Variants in ATP2A1 observed in about 807,000 individuals in gnomAD.
ATP2A1 encodes the protein ATPase sarcoplasmic/endoplasmic reticulum Ca2+ transporting 1, also known as sarcoplasmic/endoplasmic reticulum calcium ATPase 1.
In ATP2A1, 83 loss-of-function variants were observed where a neutral mutation model predicts 109.5. That is an observed-to-expected ratio of 0.76 (90% CI 0.63 to 0.91). The LOEUF (loss-of-function observed/expected upper bound fraction) is 0.91, where lower values mean the gene tolerates loss of function less well. Among genes scored for constraint, ATP2A1 ranks in the 40% least tolerant of loss-of-function variants. The pLI is 0.00. For missense variants in ATP2A1, 1,101 were observed against 1,341.0 expected, an observed-to-expected ratio of 0.82 and a Z score of 2.80; for synonymous variants, 505 against 537.6, an observed-to-expected ratio of 0.94 and a Z score of 0.84.
Position 28,903,365 on chromosome 16 carries a change from A to C in ATP2A1, c.2905A>C (p.Met969Leu), listed in dbSNP as rs1964147563. 1 of 1,613,900 alleles carries C rather than the reference A, an allele frequency of 6.2e-7. No individual in the cohort carries two copies. Among genetic ancestry groups the C allele is most frequent in the Non-Finnish European group, 8.5e-7 (1 of 1,179,940 alleles). ...LRALDLTQWL[M>L]VLKISLPVIG... is the part of the protein sequence containing the mutation. ...GGCCCTGGACCTCACCCAGTGGCTC[A>C]TGGTCCTCAAGATCTCACTGCCAGT... Residue 969 changes from methionine to leucine, a missense_variant, in exon 21 of 23, where the codon ATG becomes CTG. By Grantham distance (15) the Met-to-Leu change is conservative. Transcript: ENST00000395503. This position sits in a 1 kb window ranked among gnomAD's most constrained non-coding sequence, Gnocchi z 5.6.
chr16:28,900,592 A>G lies in ATP2A1; in HGVS notation c.1776A>G (p.Thr592=), dbSNP rs779717640. 6.4e-7 allele frequency: 1 copy of G among 1,565,610 alleles called. No homozygotes were observed. Among genetic ancestry groups the G allele is most frequent in the South Asian group, 1.2e-5 (1 of 82,916 alleles). Residue 592 remains threonine, a synonymous_variant, in exon 15 of 23, where the codon ACA becomes ACG. Coordinates refer to ENST00000395503, the MANE Select transcript of ATP2A1 (RefSeq NM_004320.6). ...CTGTATCTCCCCAGACGGACCTGAC[A>G]TTCGTGGGTGTAGTGGGCATGCTGG... is the stretch of plus-strand genomic sequence containing the variant. The part of the protein sequence containing the change: ...ARFLEYETDL[T]FVGVVGMLDP...
Position 28,902,109 on chromosome 16 carries a change from A to G in ATP2A1, c.2321+26A>G. On this transcript the variant is annotated intron_variant, in intron 16 of 22. Coordinates refer to ENST00000395503, the MANE Select transcript of ATP2A1 (RefSeq NM_004320.6). The surrounding 1 kb of genome is among the most constrained non-coding windows in gnomAD (Gnocchi z 4.8). The stretch of plus-strand genomic sequence containing the variant: ...GTGAGCAGCTGGGTGGGCGTCCAGG[A>G]GGAAGCCGGGGTTAGGGTGGGGTGG... The G allele has an allele frequency of 6.2e-7, 1 of 1,613,994 alleles. No individual in the cohort carries two copies. The highest frequency in any genetic ancestry group is 2.2e-5 in the East Asian group (1 of 44,884).
At chr16:28,900,215 C>T (rs556421838) in intron 14 of ATP2A1, among the ~76,000 whole-genome samples, 17 of 151,250 alleles carry the variant, frequency 1.1e-4, no homozygotes, top group Non-Finnish European at 2.2e-4. Flanking sequence ...GTAGGAGGAT[C>T]GCTTGAGCCT....
chr16:28,900,949 TC>T (rs761434308), intron 15 of ATP2A1, 33 bp downstream of exon 15: 1 of 1,612,126 alleles, frequency 6.2e-7, no homozygotes, highest in Non-Finnish European at 8.5e-7. Flanking sequence ...AGCCTTAGTG[TC>T]CACGGAGATG....
rs186012808 is a variant in ATP2A1, at chr16:28,902,591, G to A, written c.2536G>A (p.Ala846Thr). 4.1e-4 allele frequency: 666 copies of A among 1,614,072 alleles called. 3 individuals are homozygous for A. Among genetic ancestry groups the A allele is most frequent in the African/African-American group, 8.3e-4 (62 of 75,018 alleles). ...TCTCTCCACCACAGGCTATGTGGGT[G>A]CAGCCACCGTGGGAGCAGCTGCCTG... is the stretch of plus-strand genomic sequence containing the variant. ...RYMAIGGYVG[A>T]ATVGAAAWWF... The change falls in exon 18 of 23, where the codon GCA (alanine) becomes ACA (threonine). Residue 846 changes from alanine (A) to threonine (T), a missense_variant. Coordinates refer to ENST00000395503, the MANE Select transcript of ATP2A1 (RefSeq NM_004320.6). The surrounding 1 kb of genome is among the most constrained non-coding windows in gnomAD (Gnocchi z 4.8).
rs774977203 is a variant in ATP2A1 at position 28,894,574 on chromosome 16, C to T, written c.1254C>T (p.Ala418=). Residue 418 remains alanine, a synonymous_variant, in exon 11 of 23, where the codon GCC becomes GCT. Transcript: ENST00000395503. ...TGGTGGAGCTGGCCACCATCTGTGC[C>T]CTCTGCAATGACTCCTCCTTGGACT... ...DGLVELATIC[A]LCNDSSLDFN... is the part of the protein sequence containing the mutation. The T allele has an allele frequency of 2.9e-5, 47 of 1,614,022 alleles. No individual in the cohort carries two copies. Among genetic ancestry groups the T allele is most frequent in the Non-Finnish European group, 3.9e-5 (46 of 1,180,034 alleles).
chr16:28,884,471 G>A (rs1187321995), intron 5 of ATP2A1, 104 bp from the exon 6 acceptor site: 16 of 1,165,080 alleles, frequency 1.4e-5, no homozygotes, highest in Non-Finnish European at 2.0e-5. Context: ...CCTGAGACCT[G>A]AAGGATGGAT....
At position 28,903,653 on chromosome 16, in the gene ATP2A1, C is replaced by T. The variant is rs1469384024; in HGVS notation, c.2981-47C>T. 3.9e-6 allele frequency: 6 copies of T among 1,552,142 alleles called. No homozygotes were observed. Among genetic ancestry groups the T allele is most frequent in the East Asian group, 4.5e-5 (2 of 44,554 alleles). On this transcript the variant is annotated intron_variant, in intron 21 of 22. Coordinates refer to ENST00000395503, the MANE Select transcript of ATP2A1 (RefSeq NM_004320.6). This position sits in a 1 kb window ranked among gnomAD's most constrained non-coding sequence, Gnocchi z 5.6. ...CCCACAGCCCCTATAGCCCCCATGC[C>T]ACCTCCCTGCCTTGATAACAGTGCC...
Position 28,878,602 on chromosome 16 carries a change from GGAA to G in ATP2A1, c.-67_-65del, listed in dbSNP as rs897928666. 6.1e-6 allele frequency: 8 copies of G among 1,309,090 alleles called. No homozygotes were observed. Among genetic ancestry groups the G allele is most frequent in the Admixed American group, 3.9e-5 (2 of 50,828 alleles). 81.1% of individuals were successfully genotyped at this position (1,309,090 alleles called of 1,614,324 possible). ...GCAGACAGGCAGTTGGACACACTGA[GGAA>G]GACCCCCCACGAGTGGGAACCCCCT... On this transcript the variant is annotated 5_prime_UTR_variant, in exon 1 of 23. Coordinates refer to ENST00000395503, the MANE Select transcript of ATP2A1 (RefSeq NM_004320.6).
chr16:28,880,851 A>T lies in ATP2A1; in HGVS notation c.220-64A>T. The T allele has an allele frequency of 6.8e-7, 1 of 1,464,196 alleles. No individual in the cohort carries two copies. Among genetic ancestry groups the T allele is most frequent in the Middle Eastern group, 1.7e-4 (1 of 5,790 alleles). 90.7% of individuals were successfully genotyped at this position (1,464,196 alleles called of 1,614,324 possible). On this transcript the variant is annotated intron_variant, in intron 3 of 22. Transcript: ENST00000395503. This position sits in a 1 kb window ranked among gnomAD's most constrained non-coding sequence, Gnocchi z 4.2. ...ACAGTTCTCCCCTTTGCAGTGGTCC[A>T]CTTCCTTTCTCCATCTGTTTTGGGG...
chr16:28,879,786 C>T, intron 3 of ATP2A1: 2 of 712,388 alleles, frequency 2.8e-6, no homozygotes, highest in East Asian at 2.7e-5. Context: ...TTATTTTAAG[C>T]TTTAAGGGTG....
At position 28,880,795 on chromosome 16, in the gene ATP2A1, G is replaced by A. The variant is rs1963448195; in HGVS notation, c.220-120G>A. 4 of 983,020 alleles carry A rather than the reference G, an allele frequency of 4.1e-6. No individual in the cohort carries two copies. In the East Asian group the frequency reaches 7.3e-5, roughly 18 times the overall value. The allele number at this position is 983,020 out of a possible 1,614,324, so 60.9% of individuals were successfully genotyped here. On this transcript the variant is annotated intron_variant, in intron 3 of 22. Transcript: ENST00000395503. This position sits in a 1 kb window ranked among gnomAD's most constrained non-coding sequence, Gnocchi z 4.2. The stretch of plus-strand genomic sequence containing the variant: ...GGGCCACAGCGCCCCGACGGTGCCC[G>A]GCCCTCCTGCTGGCTCCTGCACTCT...
In ATP2A1 at chr16:28,903,581, G is replaced by A. The variant is rs1157210885; in HGVS notation, c.2981-119G>A. The A allele has an allele frequency of 9.4e-6, 11 of 1,168,494 alleles. No individual in the cohort carries two copies. Among genetic ancestry groups the A allele is most frequent in the African/African-American group, 3.1e-5 (2 of 64,596 alleles). 72.4% of individuals were successfully genotyped at this position (1,168,494 alleles called of 1,614,324 possible). ...CCTGTGTCCGCCCCGTTCCCCCTGC[G>A]CCTGCAGGGGCCACATCTCCGGGGC... On this transcript the variant is annotated intron_variant, in intron 21 of 22. Coordinates refer to ENST00000395503, the MANE Select transcript of ATP2A1 (RefSeq NM_004320.6). This position sits in a 1 kb window ranked among gnomAD's most constrained non-coding sequence, Gnocchi z 5.6.
At chr16:28,879,669 C>T in intron 3 of ATP2A1, 86 bp downstream of exon 3, 1 of 1,423,148 alleles carries the variant, frequency 7.0e-7, no homozygotes, top group Non-Finnish European at 9.7e-7. Context: ...CTGGATCCTC[C>T]CGTCCGAGTC....
chr16:28,889,925 C>T lies in ATP2A1; in HGVS notation c.1095+972C>T, dbSNP rs186690522. Reference sequence around the variant, plus strand: ...TTGGGAGGCCAAGATAGGCAGATCACGAGGTCAGGAGTTCGAGATGAGCCT... The same window carrying T: ...TTGGGAGGCCAAGATAGGCAGATCATGAGGTCAGGAGTTCGAGATGAGCCT... On this transcript the variant is annotated intron_variant, in intron 9 of 22. Coordinates refer to ENST00000395503, the MANE Select transcript of ATP2A1 (RefSeq NM_004320.6). Among the ~76,000 whole-genome samples, 1,520 of 152,198 alleles carry T rather than the reference C, an allele frequency of 1.0e-2. 8 individuals are homozygous for T. Among genetic ancestry groups the T allele is most frequent in the Non-Finnish European group, 0.018 (1,210 of 68,002 alleles).
At chr16:28,889,510 C>T (rs181665639) in intron 9 of ATP2A1, among the ~76,000 whole-genome samples, 3 of 152,252 alleles carry the variant, frequency 2.0e-5, no homozygotes, top group East Asian at 1.9e-4. Context: ...TGCCCCTGTT[C>T]GCTTCCCAAA....
chr16:28,898,478 CGTG>C lies in ATP2A1; in HGVS notation c.1764+29_1764+31del. The C allele has an allele frequency of 6.2e-7, 1 of 1,603,696 alleles. No homozygotes were observed. Among genetic ancestry groups the C allele is most frequent in the Non-Finnish European group, 8.5e-7 (1 of 1,175,504 alleles). On this transcript the variant is annotated intron_variant, in intron 14 of 22. Coordinates refer to ENST00000395503, the MANE Select transcript of ATP2A1 (RefSeq NM_004320.6). This position sits in a 1 kb window ranked among gnomAD's most constrained non-coding sequence, Gnocchi z 4.0. ...TAAGCAGCTGGGAGCCTCCCACTGT[CGTG>C]GAGCTGGTGAAGGGCCGGGTCCCAG...
intron 7 of ATP2A1, 51 bp downstream of exon 7, chr16:28,887,325 G>T: frequency 6.2e-7 from 1 of 1,613,008 alleles, no homozygotes; most frequent in Non-Finnish European, 8.5e-7. Context: ...CAGGTGCCCG[G>T]GTTGGAGAGA....
Position 28,903,185 on chromosome 16 carries a change from C to T in ATP2A1, c.2862+38C>T, listed in dbSNP as rs773713571. The T allele has an allele frequency of 6.2e-7, 1 of 1,608,312 alleles. No homozygotes were observed. Among genetic ancestry groups the T allele is most frequent in the Non-Finnish European group, 8.5e-7 (1 of 1,175,392 alleles). ...CCGCCCAGGGCCGCCCACCCCAGCA[C>T]TGGGGAGCCCACGGCGGGCCCATGA... On this transcript the variant is annotated intron_variant, in intron 20 of 22. Coordinates refer to ENST00000395503, the MANE Select transcript of ATP2A1 (RefSeq NM_004320.6). This position sits in a 1 kb window ranked among gnomAD's most constrained non-coding sequence, Gnocchi z 5.6.
Sources: gnomAD v4.1 joint callset for allele counts (sites outside exome capture counted in the v4.1 genomes callset) on GRCh38, gnomAD v4.1.1 for gene constraint, Gnocchi (gnomAD v3.1) non-coding constraint, MANE v1.5 for transcripts, NCBI Gene and HGNC (gene_info 2026-07-23, HGNC 2026-07-21) for gene names.